Variants in DOK5 observed in about 807,000 individuals in gnomAD.
DOK5 encodes docking protein 5, also known as downstream of tyrosine kinase 5.
Under a neutral mutation model 43.3 loss-of-function variants are expected in DOK5, and 27 were observed. The observed-to-expected ratio is 0.62, with a 90% CI of 0.46 to 0.86. The LOEUF (loss-of-function observed/expected upper bound fraction) is 0.86. Among genes scored for constraint, DOK5 ranks in the 40% least tolerant of loss-of-function variants. The pLI is 0.00. For synonymous variants in DOK5, 146 were observed against 140.1 expected, an observed-to-expected ratio of 1.04 and a Z score of -0.30; for missense variants, 373 against 392.9, an observed-to-expected ratio of 0.95 and a Z score of 0.43.
intron 5 of DOK5, among the ~76,000 whole-genome samples, chr20:54,600,910 ATCT>A (rs1402752627): frequency 6.6e-6 from 1 of 152,212 alleles, no homozygotes; most frequent in Non-Finnish European, 1.5e-5. Context: ...AAGTGACATA[ATCT>A]TTTTTTTCTT....
At chr20:54,538,993 G>A (rs916839326) in intron 1 of DOK5, among the ~76,000 whole-genome samples, 1 of 152,054 alleles carries the variant, frequency 6.6e-6, no homozygotes, top group African/African-American at 2.4e-5. Flanking sequence ...TATATCAAAG[G>A]AGAACAGGGC....
At chr20:54,622,755 C>A (rs1052869078) in intron 6 of DOK5, among the ~76,000 whole-genome samples, 2 of 152,124 alleles carry the variant, frequency 1.3e-5, no homozygotes, top group Non-Finnish European at 2.9e-5. Context: ...TAAAATCACA[C>A]GTGCATCTGC....
At chr20:54,575,257 C>T (rs564948432) in intron 2 of DOK5, among the ~76,000 whole-genome samples, 1 of 152,246 alleles carries the variant, frequency 6.6e-6, no homozygotes, top group South Asian at 2.1e-4. Flanking sequence ...AAACTCAAGG[C>T]ATGAATCCTC....
At chr20:54,551,446 T>G (rs974150848) in intron 1 of DOK5, among the ~76,000 whole-genome samples, 3 of 152,358 alleles carry the variant, frequency 2.0e-5, no homozygotes, top group South Asian at 4.1e-4. Flanking sequence ...GGATTATGCC[T>G]TTGATAACAG....
intron 7 of DOK5, among the ~76,000 whole-genome samples, chr20:54,646,953 G>A (rs1250881064): frequency 2.7e-5 from 4 of 150,810 alleles, no homozygotes; most frequent in Admixed American, 2.0e-4. Flanking sequence ...AGACCCTTAA[G>A]GAGGAATTTA....
chr20:54,624,385 G>A (rs1987075634), intron 6 of DOK5, among the ~76,000 whole-genome samples: 1 of 152,110 alleles, frequency 6.6e-6, no homozygotes, highest in Admixed American at 6.6e-5. Flanking sequence ...AGCTCCATTC[G>A]AGCCTGTAAA....
intron 2 of DOK5, among the ~76,000 whole-genome samples, chr20:54,581,744 C>T (rs1248232640): frequency 6.6e-6 from 1 of 151,658 alleles, no homozygotes; most frequent in East Asian, 1.9e-4. Context: ...TTGTATCGTG[C>T]CATTTTACTG....
intron 2 of DOK5, among the ~76,000 whole-genome samples, chr20:54,587,386 T>G (rs911267092): frequency 1.3e-5 from 2 of 152,168 alleles, no homozygotes; most frequent in African/African-American, 4.8e-5. Context: ...ACCTACTGCT[T>G]GAGCTAAGCA....
At chr20:54,537,892 G>A (rs1316460235) in intron 1 of DOK5, among the ~76,000 whole-genome samples, 2 of 140,464 alleles carry the variant, frequency 1.4e-5, no homozygotes, top group Admixed American at 1.5e-4. Flanking sequence ...AGGCTGGAGT[G>A]CAGTGGCACA....
chr20:54,572,533 A>G (rs913584841), intron 2 of DOK5, among the ~76,000 whole-genome samples: 3 of 152,214 alleles, frequency 2.0e-5, no homozygotes, highest in Non-Finnish European at 2.9e-5. Context: ...ATTAAATGAC[A>G]TGATTGATAT....
At chr20:54,508,076 G>C (rs946646059) in intron 1 of DOK5, among the ~76,000 whole-genome samples, 2 of 152,176 alleles carry the variant, frequency 1.3e-5, no homozygotes, top group Non-Finnish European at 2.9e-5. Context: ...TGGAGGAAAT[G>C]TGTCCTAAAG....
At chr20:54,491,347 G>A (rs1364365972) in intron 1 of DOK5, among the ~76,000 whole-genome samples, 1 of 152,200 alleles carries the variant, frequency 6.6e-6, no homozygotes, top group Non-Finnish European at 1.5e-5. Context: ...AATTATGAAA[G>A]AGGCAAGTCA....
intron 2 of DOK5, among the ~76,000 whole-genome samples, chr20:54,581,697 T>C (rs1224657632): frequency 1.3e-5 from 2 of 151,994 alleles, no homozygotes; most frequent in African/African-American, 4.8e-5. Flanking sequence ...TGTTTATTGT[T>C]AGTGTATAGA....
chr20:54,594,888 G>A (rs534814102), intron 5 of DOK5, among the ~76,000 whole-genome samples: 2 of 152,186 alleles, frequency 1.3e-5, no homozygotes, highest in East Asian at 3.9e-4. Context: ...GAAATCTAAC[G>A]GAACTGCTAA....
intron 6 of DOK5, among the ~76,000 whole-genome samples, chr20:54,612,579 G>A (rs1309693892): frequency 3.0e-5 from 4 of 132,142 alleles, no homozygotes; most frequent in Non-Finnish European, 6.9e-5. Flanking sequence ...TAGAACAAAA[G>A]GAGGGTAAGA....
chr20:54,499,013 T>A (rs1982499094), intron 1 of DOK5, among the ~76,000 whole-genome samples: 1 of 152,202 alleles, frequency 6.6e-6, no homozygotes, highest in Non-Finnish European at 1.5e-5. Flanking sequence ...TTGTACAGGG[T>A]AAACAGTTAC....
At chr20:54,630,192 C>T (rs1055452766) in intron 6 of DOK5, among the ~76,000 whole-genome samples, 3 of 152,068 alleles carry the variant, frequency 2.0e-5, no homozygotes, top group African/African-American at 7.2e-5. Flanking sequence ...AGGTGAGCAT[C>T]GGGGTACGGA....
At chr20:54,478,546 G>T (rs577750639) in intron 1 of DOK5, among the ~76,000 whole-genome samples, 1 of 152,140 alleles carries the variant, frequency 6.6e-6, no homozygotes, top group African/African-American at 2.4e-5. Context: ...TAATACAACA[G>T]CATTTATTAA....
intron 1 of DOK5, among the ~76,000 whole-genome samples, chr20:54,481,047 ATCTG>A (rs150568771): frequency 0.031 from 3,668 of 118,726 alleles, 218 homozygotes; most frequent in African/African-American, 0.13. Context: ...TCTATCTATC[ATCTG>A]TCTATCATCT....
Sources: gnomAD v4.1 joint callset for allele counts (sites outside exome capture counted in the v4.1 genomes callset) on GRCh38, gnomAD v4.1.1 for gene constraint, MANE v1.5 for transcripts, NCBI Gene and HGNC (gene_info 2026-07-23, HGNC 2026-07-21) for gene names.